ABCA12: variants seen among roughly 807,000 people sequenced by gnomAD.
ABCA12 encodes the protein glucosylceramide transporter ABCA12.
Under a neutral mutation model 293.5 loss-of-function variants are expected in ABCA12, and 156 were observed. The observed-to-expected ratio is 0.53, with a 90% confidence interval of 0.47 to 0.61. The LOEUF (loss-of-function observed/expected upper bound fraction) is 0.61. ABCA12 is among the 20% of genes least tolerant of loss of function. The pLI is 0.00. For missense variants in ABCA12, 2,797 were observed against 3,090.2 expected (o/e 0.91, Z 2.25); for synonymous variants, 1,063 against 1,108.0 (o/e 0.96, Z 0.81).
chr2:214,947,544 G>T lies in ABCA12; in HGVS notation c.7117C>A (p.Leu2373Ile), dbSNP rs753595337. ...EKDIKETVHK[L>I]LRRLHLMPFK... ...GGCATCAGGTGAAGTCTCCTAAGGA[G>T]TTTATGAACAGTCTGTAGGCAATAA... Residue 2373 changes from leucine (L) to isoleucine (I), a missense_variant, in exon 48 of 53, where the codon CTC (leucine) becomes ATC (isoleucine). By Grantham distance (5) the Leu-to-Ile change is conservative. This residue lies in a region of ABCA12 where 2,130 missense variants were observed against 2,427.0 expected (regional missense o/e 0.88). Coordinates refer to ENST00000272895, the MANE Select transcript of ABCA12 (RefSeq NM_173076.3). 1 of 1,613,718 alleles carries T rather than the reference G, an allele frequency of 6.2e-7. No homozygotes were observed. Among genetic ancestry groups the T allele is most frequent in the Non-Finnish European group, 8.5e-7 (1 of 1,179,842 alleles).
intron 11 of ABCA12, among the ~76,000 whole-genome samples, chr2:215,020,292 G>GCACACACACACACACACACA (rs55917549): frequency 1.5e-4 from 22 of 148,808 alleles, no homozygotes; most frequent in African/African-American, 5.4e-4. Context: ...GGGAATGTAT[G>GCACACACACACACACACACA]CACACACACA....
chr2:215,122,645 A>G (rs935141576), intron 1 of ABCA12, among the ~76,000 whole-genome samples: 43 of 152,238 alleles, frequency 2.8e-4, no homozygotes, highest in African/African-American at 1.0e-3. Context: ...CAACTGAGCT[A>G]CAGTGTGATC....
chr2:215,076,236 A>G (rs1260225780), intron 2 of ABCA12, among the ~76,000 whole-genome samples: 1 of 152,112 alleles, frequency 6.6e-6, no homozygotes, highest in Non-Finnish European at 1.5e-5. Flanking sequence ...ATCCCACAAC[A>G]TGTTACTGGC....
chr2:215,131,689 G>T (rs954672425), intron 1 of ABCA12, among the ~76,000 whole-genome samples: 4 of 109,582 alleles, frequency 3.7e-5, no homozygotes, highest in Non-Finnish European at 5.5e-5. Context: ...TTCATTCATT[G>T]ATCCTTTCTA....
At chr2:215,050,889 T>C in intron 5 of ABCA12, 2 of 840,284 alleles carry the variant, frequency 2.4e-6, no homozygotes, top group Non-Finnish European at 2.9e-6. Flanking sequence ...TAGGCATCAA[T>C]ATATCATCCT....
At chr2:214,984,851 G>A (rs777382243) in intron 28 of ABCA12, among the ~76,000 whole-genome samples, 1 of 151,950 alleles carries the variant, frequency 6.6e-6, no homozygotes, top group Non-Finnish European at 1.5e-5. Flanking sequence ...TCTACTTCCC[G>A]CATGCTCTTT....
intron 2 of ABCA12, among the ~76,000 whole-genome samples, chr2:215,077,967 A>G (rs771848764): frequency 1.2e-4 from 18 of 152,210 alleles, no homozygotes; most frequent in Non-Finnish European, 1.6e-4. Context: ...TATTCAGTCA[A>G]TCCTTTCAAG....
At chr2:214,969,868 C>T (rs1699347210) in intron 37 of ABCA12, among the ~76,000 whole-genome samples, 1 of 152,014 alleles carries the variant, frequency 6.6e-6, no homozygotes, top group Non-Finnish European at 1.5e-5. Context: ...TTCCTTGCTA[C>T]ACATGAACAA....
At chr2:215,132,118 A>T (rs79166559) in intron 1 of ABCA12, among the ~76,000 whole-genome samples, 1 of 151,908 alleles carries the variant, frequency 6.6e-6, no homozygotes, top group Non-Finnish European at 1.5e-5. Context: ...TATGATTTCA[A>T]TTTTTTTGAA....
chr2:214,951,207 T>A, intron 44 of ABCA12, 124 bp from the exon 45 acceptor site: 1 of 846,394 alleles, frequency 1.2e-6, no homozygotes, highest in Non-Finnish European at 1.9e-6. Flanking sequence ...TCTTTTACAT[T>A]TGTAATGAAT....
chr2:215,107,762 T>C (rs1415707267), intron 2 of ABCA12, among the ~76,000 whole-genome samples: 1 of 152,214 alleles, frequency 6.6e-6, no homozygotes, highest in Non-Finnish European at 1.5e-5. Flanking sequence ...CTGACTCTTC[T>C]GGGAGCAGAA....
intron 29 of ABCA12, 121 bp from the exon 30 acceptor site, chr2:214,982,504 A>G: frequency 1.4e-6 from 1 of 732,094 alleles, no homozygotes. Context: ...AGTAAGGTAC[A>G]ATAAACTCTT....
At position 215,049,644 on chromosome 2, in the gene ABCA12, T is replaced by C; in HGVS notation, c.675A>G (p.Leu225=). The change falls in exon 6 of 53, where the codon CTA becomes CTG. Residue 225 remains leucine (L), a synonymous_variant. Transcript: ENST00000272895. ...CACTCACCTGGGAGAACTGTTTGTT[T>C]AGTTCTTGGAGAGAAGACTCTAAAA... The part of the protein sequence containing the change: ...MTLLESSLQE[L]NKQFSQLSSD... 1 of 1,613,412 alleles carries C rather than the reference T, an allele frequency of 6.2e-7. No homozygotes were observed. The highest frequency in any genetic ancestry group is 8.5e-7 in the Non-Finnish European group (1 of 1,179,528).
rs143190147 is a variant in ABCA12 at position 214,990,966 on chromosome 2, T to C, written c.3360A>G (p.Gly1120=). Residue 1120 remains glycine (G), a synonymous_variant, in exon 24 of 53, where the codon GGA becomes GGG. Transcript: ENST00000272895. ...HFFAWLIESV[G]FLLVTIVILI... ...GGATCACGATGGTAACCAGTAAAAA[T>C]CCAACACTCTCTATAAGCCAGGCAA... The C allele has an allele frequency of 6.4e-5, 104 of 1,614,006 alleles. No homozygotes were observed. The African/African-American group carries it at 1.3e-3, about 20-fold the overall frequency.
chr2:214,964,626 C>T (rs964157168), intron 39 of ABCA12, among the ~76,000 whole-genome samples: 3 of 152,010 alleles, frequency 2.0e-5, no homozygotes, highest in South Asian at 4.1e-4. Context: ...CTCTCATTCA[C>T]AATTGCTACA....
chr2:215,104,962 T>C (rs1463894302), intron 2 of ABCA12, among the ~76,000 whole-genome samples: 1 of 152,158 alleles, frequency 6.6e-6, no homozygotes, highest in Non-Finnish European at 1.5e-5. Flanking sequence ...ACAAACTAAC[T>C]CCTTGTCCCT....
intron 3 of ABCA12, among the ~76,000 whole-genome samples, chr2:215,056,780 A>G (rs1701429020): frequency 6.6e-6 from 1 of 152,114 alleles, no homozygotes; most frequent in Admixed American, 6.6e-5. Context: ...AAGGTAATTA[A>G]TTCTATTAAC....
intron 2 of ABCA12, among the ~76,000 whole-genome samples, chr2:215,089,221 A>G (rs908688996): frequency 1.4e-5 from 2 of 148,108 alleles, no homozygotes; most frequent in Non-Finnish European, 3.0e-5. Flanking sequence ...GGCCTTATTT[A>G]TGCTCAGTTT....
At chr2:215,109,417 A>G (rs1702525558) in intron 2 of ABCA12, among the ~76,000 whole-genome samples, 1 of 152,190 alleles carries the variant, frequency 6.6e-6, no homozygotes, top group South Asian at 2.1e-4. Flanking sequence ...TCTACTTGTA[A>G]TAACAAACCA....
Sources: allele counts gnomAD v4.1 joint callset (sites outside exome capture counted in the v4.1 genomes callset), GRCh38; gene constraint gnomAD v4.1.1; regional missense constraint gnomAD v4.1.1; transcripts MANE v1.5; gene names NCBI Gene and HGNC (gene_info 2026-07-23, HGNC 2026-07-21).